The following PHF8 variants were observed in gnomAD, a reference collection of about 807,000 sequenced individuals.
PHF8 encodes the protein histone lysine demethylase PHF8.
Under a neutral mutation model 74.4 loss-of-function variants are expected in PHF8, and 9 were observed. The observed-to-expected ratio is 0.12, with a 90% CI of 0.07 to 0.21. The LOEUF (loss-of-function observed/expected upper bound fraction) is 0.21, where lower values mean the gene tolerates loss of function less well. Among genes scored for constraint, PHF8 ranks in the 10% least tolerant of loss-of-function variants. PHF8 has a pLI of 1.00. For missense variants in PHF8, 478 were observed against 816.6 expected, an observed-to-expected ratio of 0.59 and a Z score of 5.05; for synonymous variants, 311 against 316.6, an observed-to-expected ratio of 0.98 and a Z score of 0.19.
intron 15 of PHF8, 79 bp from the exon 16 acceptor site, chrX:53,987,242 T>A: frequency 1.6e-6 from 1 of 635,493 alleles, no homozygotes; most frequent in Non-Finnish European, 2.6e-6. Flanking sequence ...AAAATAAGAC[T>A]AATTTTCTTG....
chrX:54,038,407 G>A (rs1429925252), intron 2 of PHF8, among the ~76,000 whole-genome samples: 12 of 112,119 alleles, frequency 1.1e-4, no homozygotes, highest in Non-Finnish European at 1.7e-4. Flanking sequence ...ATCACACTCC[G>A]CAGAAGGGGA....
Position 53,979,068 on chromosome X carries a change from A to C in PHF8, c.2443+5846T>G, listed in dbSNP as rs1453398875. Among the ~76,000 whole-genome samples the C allele has an allele frequency of 2.7e-5, 3 of 111,450 alleles. No individual in the cohort carries two copies. The East Asian group carries it at 8.5e-4, about 32-fold the overall frequency. ...TGTGTATACCAAGAGAGTCAATTTT[A>C]CTTCATGTTAATTTAAAAAATAAAA... is the stretch of plus-strand genomic sequence containing the variant. On this transcript the variant is annotated intron_variant, in intron 18 of 21. Coordinates refer to ENST00000338154, the MANE Select transcript of PHF8 (RefSeq NM_015107.3).
chrX:54,022,968 A>T (rs1431219645), intron 2 of PHF8, 125 bp from the exon 3 acceptor site: 1 of 489,764 alleles, frequency 2.0e-6, no homozygotes, highest in Admixed American at 3.2e-5. Context: ...CATTAAAATT[A>T]AATAAAATTT....
intron 20 of PHF8, chrX:53,942,958 G>C (rs1226804412): frequency 1.3e-6 from 1 of 752,446 alleles, no homozygotes; most frequent in Admixed American, 8.7e-5. Context: ...GGCTTTGTGT[G>C]CTATACGAAG....
chrX:53,985,990 G>C (rs1282397427), intron 16 of PHF8, 41 bp from the exon 17 acceptor site: 2 of 1,174,873 alleles, frequency 1.7e-6, no homozygotes, highest in Admixed American at 4.4e-5. Flanking sequence ...GCCCAGGATT[G>C]GTCTGGTAAG....
At chrX:53,948,164 AT>A (rs1162120756) in intron 19 of PHF8, among the ~76,000 whole-genome samples, 2 of 112,193 alleles carry the variant, frequency 1.8e-5, no homozygotes, top group Non-Finnish European at 3.8e-5. Context: ...TATAAAAGAT[AT>A]TTTGTGTAAA....
chrX:53,975,193 C>G (rs2065354239), intron 18 of PHF8, among the ~76,000 whole-genome samples: 1 of 111,889 alleles, frequency 8.9e-6, no homozygotes, highest in African/African-American at 3.2e-5. Context: ...ATCCAAAAGA[C>G]AAAAAGTAAC....
intron 7 of PHF8, among the ~76,000 whole-genome samples, chrX:54,011,862 C>CAAAAAAAAAA (rs11397654): frequency 5.0e-5 from 2 of 40,064 alleles, no homozygotes; most frequent in African/African-American, 7.4e-5. Flanking sequence ...GATAATTTGG[C>CAAAAAAAAAA]AAAAAAAAAA....
chrX:54,008,371 CAA>C (rs34539175), intron 8 of PHF8, among the ~76,000 whole-genome samples: 8 of 36,226 alleles, frequency 2.2e-4, no homozygotes, highest in African/African-American at 3.5e-4. Context: ...AATACTCCGT[CAA>C]AAAAAAAAAA....
chrX:54,003,407 A>G (rs1161802158), intron 8 of PHF8, among the ~76,000 whole-genome samples: 1 of 111,852 alleles, frequency 8.9e-6, no homozygotes, highest in Non-Finnish European at 1.9e-5. Flanking sequence ...CTGTAATCCC[A>G]GCATTTTGGG....
intron 18 of PHF8, among the ~76,000 whole-genome samples, chrX:53,983,750 G>A (rs2065514812): frequency 1.8e-5 from 2 of 112,078 alleles, no homozygotes; most frequent in African/African-American, 6.5e-5. Flanking sequence ...TCAATCAGTA[G>A]GGAATGATTA....
intron 10 of PHF8, among the ~76,000 whole-genome samples, chrX:54,001,056 G>C (rs1557104100): frequency 8.9e-6 from 1 of 112,550 alleles, no homozygotes; most frequent in Admixed American, 9.4e-5. Flanking sequence ...GGCCAGGCGT[G>C]GTGGCTCACG....
intron 18 of PHF8, 125 bp downstream of exon 18, chrX:53,984,789 A>G: frequency 1.7e-6 from 1 of 587,137 alleles, no homozygotes. Context: ...GGCTTAGAGA[A>G]ACTAAGTATC....
At chrX:53,992,227 T>G (rs1166052695) in intron 14 of PHF8, among the ~76,000 whole-genome samples, 1 of 112,176 alleles carries the variant, frequency 8.9e-6, no homozygotes, top group Non-Finnish European at 1.9e-5. Flanking sequence ...AACAGCTACA[T>G]GATATTCCAT....
At chrX:53,978,521 G>A (rs2065423471) in intron 18 of PHF8, among the ~76,000 whole-genome samples, 1 of 111,043 alleles carries the variant, frequency 9.0e-6, no homozygotes, top group South Asian at 3.8e-4. Flanking sequence ...ATGGTGGGCC[G>A]GGTGCAGTGG....
chrX:54,015,373 G>A (rs781932681), intron 6 of PHF8, among the ~76,000 whole-genome samples: 15 of 109,888 alleles, frequency 1.4e-4, no homozygotes, highest in African/African-American at 5.0e-4. Flanking sequence ...TCAGGAGATC[G>A]AGACCATCCT....
At chrX:54,021,361 G>C (rs1557109773) in intron 4 of PHF8, among the ~76,000 whole-genome samples, 1 of 109,766 alleles carries the variant, frequency 9.1e-6, no homozygotes, top group African/African-American at 3.3e-5. Context: ...TTGGGTGATG[G>C]GACCATTTGC....
chrX:53,959,863 CAAAAAAAAAAAAA>C (rs782111007), intron 19 of PHF8, among the ~76,000 whole-genome samples: 2 of 23,105 alleles, frequency 8.7e-5, no homozygotes, highest in African/African-American at 1.7e-4. Flanking sequence ...GTTTCTGCCT[CAAAAAAAAAAAAA>C]AAAAAAAAAA....
chrX:54,011,916 C>A (rs897765695), intron 7 of PHF8, among the ~76,000 whole-genome samples: 25 of 105,143 alleles, frequency 2.4e-4, no homozygotes, highest in Middle Eastern at 4.9e-3. Flanking sequence ...CAAATATATT[C>A]TCACAGCATG....
Sources: allele counts gnomAD v4.1 joint callset (sites outside exome capture counted in the v4.1 genomes callset), GRCh38; gene constraint gnomAD v4.1.1; transcripts MANE v1.5; gene names NCBI Gene and HGNC (gene_info 2026-07-23, HGNC 2026-07-21).